PSG2: variants seen among roughly 807,000 people sequenced by gnomAD.
The protein encoded by PSG2 is pregnancy specific beta-1-glycoprotein 2.
In PSG2, 49 loss-of-function variants were observed where a neutral mutation model predicts 36.2. That is an observed-to-expected ratio of 1.35 (90% CI 1.08 to 1.72). The LOEUF is 1.72. Ranked by LOEUF, PSG2 falls within the 40% of genes most tolerant of loss-of-function variation. PSG2 has a pLI of 0.00. For synonymous variants in PSG2, 261 were observed against 155.6 expected, an observed-to-expected ratio of 1.68 and a Z score of -5.04; for missense variants, 605 against 407.2, an observed-to-expected ratio of 1.49 and a Z score of -4.18.
At chr19:43,074,536 G>A (rs920908160) in intron 3 of PSG2, among the ~76,000 whole-genome samples, 1 of 151,694 alleles carries the variant, frequency 6.6e-6, no homozygotes, top group Non-Finnish European at 1.5e-5. Context: ...GATCTAGAAA[G>A]AGTGAGGGGA....
rs779053907 is a variant in PSG2, at chr19:43,075,580, G to C, written c.483C>G (p.Ala161=). The C allele has an allele frequency of 4.3e-6, 7 of 1,613,114 alleles. No homozygotes were observed. The African/African-American group carries it at 9.4e-5, about 22-fold the overall frequency. The change falls in exon 3 of 6, where the codon GCC becomes GCG. Residue 161 remains alanine (A), a synonymous_variant. Transcript: ENST00000406487. The part of the protein sequence containing the change: ...ISSSNLNPRE[A]METVILTCDP... ...CACAGGTTAAGATCACAGTTTCCATGGCCTCCCTGGGGTTTAAGTTGCTGC... is the reference window on the plus strand; with the variant it reads ...CACAGGTTAAGATCACAGTTTCCATCGCCTCCCTGGGGTTTAAGTTGCTGC...
intron 5 of PSG2, chr19:43,065,700 T>C (rs1967730144): frequency 6.6e-6 from 1 of 151,746 alleles, no homozygotes; most frequent in Non-Finnish European, 1.5e-5. Context: ...GACCTTGCCT[T>C]CTTCATTTCT....
At chr19:43,081,326 G>T (rs1568517340) in intron 1 of PSG2, 80 bp from the exon 2 acceptor site, 5 of 1,505,900 alleles carry the variant, frequency 3.3e-6, no homozygotes, top group South Asian at 1.3e-5. Context: ...TCCTGAGGAG[G>T]TCTCTTCAAT....
Position 43,075,320 on chromosome 19 carries a change from C to T in PSG2, c.709+34G>A, listed in dbSNP as rs561745173. 5 of 1,613,088 alleles carry T rather than the reference C, an allele frequency of 3.1e-6. No individual in the cohort carries two copies. The East Asian group carries it at 6.7e-5, about 22-fold the overall frequency. ...CTCTGGCCATGTGTATTTGGGATGG[C>T]AGTCTGGCCCACAGAGGAACAGAAG... On this transcript the variant is annotated intron_variant, in intron 3 of 5. Transcript: ENST00000406487.
At chr19:43,072,211 C>G (rs1967829246) in intron 3 of PSG2, 1 of 1,445,048 alleles carries the variant, frequency 6.9e-7, no homozygotes, top group African/African-American at 1.4e-5. Context: ...CCCAGGTTTT[C>G]CCAGGGCAGG....
At chr19:43,071,486 C>T (rs1033948307) in intron 4 of PSG2, among the ~76,000 whole-genome samples, 2 of 151,626 alleles carry the variant, frequency 1.3e-5, no homozygotes, top group Admixed American at 6.6e-5. Flanking sequence ...CCCTACCTTT[C>T]TCAGGCGAGA....
rs1312613446 is a variant in PSG2 at position 43,067,215 on chromosome 19, C to T, written c.965-615G>A. 9.2e-5 allele frequency among the ~76,000 whole-genome samples: 14 copies of T among 151,508 alleles called. No individual in the cohort carries two copies. In the East Asian group the frequency reaches 2.5e-3, roughly 27 times the overall value. ...CTTTCTCTTTGTTTTTCATAGGAAT[C>T]AGCTCTGCATAGTGGTCTGTGGGTT... is the stretch of plus-strand genomic sequence containing the variant. On this transcript the variant is annotated intron_variant, in intron 4 of 5. Coordinates refer to ENST00000406487, the MANE Select transcript of PSG2 (RefSeq NM_031246.4).
At chr19:43,070,456 T>A (rs1967800050) in intron 4 of PSG2, among the ~76,000 whole-genome samples, 1 of 151,674 alleles carries the variant, frequency 6.6e-6, no homozygotes, top group Non-Finnish European at 1.5e-5. Context: ...AAAAGTCCAT[T>A]GAAAGATAAG....
intron 4 of PSG2, among the ~76,000 whole-genome samples, chr19:43,067,011 G>T (rs1483099930): frequency 6.6e-6 from 1 of 151,470 alleles, no homozygotes; most frequent in Admixed American, 6.6e-5. Context: ...GCCCAGGTCA[G>T]TGCATTTCAA....
At chr19:43,076,818 G>A (rs1200998733) in intron 2 of PSG2, among the ~76,000 whole-genome samples, 2 of 136,222 alleles carry the variant, frequency 1.5e-5, no homozygotes, top group Non-Finnish European at 3.0e-5. Context: ...AAGTGTTTTG[G>A]ATTTCTAATT....
At chr19:43,066,775 C>T (rs1384193719) in intron 4 of PSG2, among the ~76,000 whole-genome samples, 175 bp from the exon 5 acceptor site, 1 of 151,496 alleles carries the variant, frequency 6.6e-6, no homozygotes, top group Non-Finnish European at 1.5e-5. Flanking sequence ...TTTTCCCTCT[C>T]ACCATGTGTC....
rs367697086 is a variant in PSG2, at chr19:43,071,798, G to T, written c.866C>A (p.Pro289His). ...CCCGCTATGCTTTGTAGTAATTTGG[G>T]GGATAAACAGATTTTGTCCTGATTG... ...FQQSGQNLFIPQITTKHSGLY... is the reference protein window; with the variant it reads ...FQQSGQNLFIHQITTKHSGLY... Residue 289 changes from proline (P) to histidine (H), a missense_variant, in exon 4 of 6, where the codon CCC becomes CAC. Transcript: ENST00000406487. 1.2e-6 allele frequency: 2 copies of T among 1,612,694 alleles called. No individual in the cohort carries two copies. The highest frequency in any genetic ancestry group is 1.7e-6 in the Non-Finnish European group (2 of 1,179,416).
At chr19:43,065,773 T>A (rs2036737363) in intron 5 of PSG2, 2 of 151,900 alleles carry the variant, frequency 1.3e-5, no homozygotes, top group Admixed American at 1.3e-4. Context: ...ATAGGTTGTG[T>A]TCTGAGTCTC....
intron 2 of PSG2, among the ~76,000 whole-genome samples, chr19:43,079,555 G>T (rs904627494): frequency 1.3e-5 from 2 of 151,548 alleles, no homozygotes; most frequent in East Asian, 3.9e-4. Context: ...GCTGATGCAG[G>T]GTGTGAGTGG....
At position 43,071,710 on chromosome 19, in the gene PSG2, G is replaced by C. The variant is rs1169491254; in HGVS notation, c.954C>G (p.Val318=). The C allele has an allele frequency of 1.4e-5, 22 of 1,612,990 alleles. No homozygotes were observed. Among genetic ancestry groups the C allele is most frequent in the Non-Finnish European group, 1.9e-5 (22 of 1,179,466 alleles). Residue 318 remains valine (V), a synonymous_variant, in exon 4 of 6, where the codon GTC becomes GTG. Coordinates refer to ENST00000406487, the MANE Select transcript of PSG2 (RefSeq NM_031246.4). The part of the protein sequence containing the change: ...TGEESSTSLT[V]KVSASTRIGL... ...CTGGGATCCACTTACCAGAGACTTT[G>C]ACTGTCAACGATGTGGAGCTTTCCT...
intron 2 of PSG2, among the ~76,000 whole-genome samples, chr19:43,077,563 A>C (rs1967914791): frequency 6.6e-6 from 1 of 151,676 alleles, no homozygotes; most frequent in Non-Finnish European, 1.5e-5. Flanking sequence ...TCCCCACAAG[A>C]AGAACTCCAA....
chr19:43,075,609 A>G lies in PSG2; in HGVS notation c.454T>C (p.Ser152Pro). 1.2e-6 allele frequency: 2 copies of G among 1,612,998 alleles called. No individual in the cohort carries two copies. The highest frequency in any genetic ancestry group is 1.1e-5 in the South Asian group (1 of 91,032). ...TCCCTGGGGTTTAAGTTGCTGCTGG[A>G]GATGGAGGGCTTGGGAGTCTCCACT... Reference protein sequence around the residue: ...LYLETPKPSISSSNLNPREAM... With the variant: ...LYLETPKPSIPSSNLNPREAM... The change falls in exon 3 of 6, where the codon TCC becomes CCC. Residue 152 changes from serine (S) to proline (P), a missense_variant. Ser to Pro is a moderately conservative substitution (Grantham distance 74). Coordinates refer to ENST00000406487, the MANE Select transcript of PSG2 (RefSeq NM_031246.4).
At position 43,071,761 on chromosome 19, in the gene PSG2, G is replaced by A. The variant is rs779316252; in HGVS notation, c.903C>T (p.Cys301=). The A allele has an allele frequency of 5.0e-6, 8 of 1,612,856 alleles. No individual in the cohort carries two copies. The East Asian group carries it at 1.1e-4, about 22-fold the overall frequency. The change falls in exon 4 of 6, where the codon TGC becomes TGT. Residue 301 remains cysteine (C), a synonymous_variant. Coordinates refer to ENST00000406487, the MANE Select transcript of PSG2 (RefSeq NM_031246.4). The part of the protein sequence containing the change: ...ITTKHSGLYV[C]SVRNSATGEE... ...CGCCAGTGGCTGAGTTACGAACAGA[G>A]CAAACATAGAGCCCGCTATGCTTTG...
chr19:43,081,274 T>C, intron 1 of PSG2, 28 bp from the exon 2 acceptor site: 1 of 1,599,480 alleles, frequency 6.3e-7, no homozygotes. Flanking sequence ...CATCAGACAA[T>C]ATTGAGACCT....
Sources: gnomAD v4.1 joint callset for allele counts (sites outside exome capture counted in the v4.1 genomes callset) on GRCh38, gnomAD v4.1.1 for gene constraint, MANE v1.5 for transcripts, NCBI Gene and HGNC (gene_info 2026-07-23, HGNC 2026-07-21) for gene names.